Variants in CLEC12A observed in about 807,000 individuals in gnomAD.
The protein encoded by CLEC12A is C-type lectin domain family 12 member A.
In CLEC12A, 22 loss-of-function variants were observed where a neutral mutation model predicts 26.5. The observed-to-expected ratio is 0.83, with a 90% CI of 0.59 to 1.19. CLEC12A has a LOEUF of 1.19. Among genes scored for constraint, CLEC12A ranks in the 50% most tolerant of loss-of-function variants. The pLI is 0.00. For synonymous variants in CLEC12A, 119 were observed against 101.9 expected (o/e 1.17, Z -1.01); for missense variants, 353 against 315.6 (o/e 1.12, Z -0.90).
upstream of CLEC12A, among the ~76,000 whole-genome samples, chr12:9,969,324 T>C (rs897410315): frequency 1.3e-5 from 2 of 152,190 alleles, no homozygotes; most frequent in African/African-American, 4.8e-5. Context: ...TCATTACACA[T>C]TGTATACAGG....
At chr12:9,984,397 C>A (rs547111643) in intron 5 of CLEC12A, among the ~76,000 whole-genome samples, 13 of 152,114 alleles carry the variant, frequency 8.5e-5, no homozygotes, top group African/African-American at 2.9e-4. Flanking sequence ...ATTAGAACTT[C>A]AGAGTAAAAT....
At chr12:10,001,628 C>A in the CLEC12A span, among the ~76,000 whole-genome samples, 1 of 152,184 alleles carries the variant, frequency 6.6e-6, no homozygotes, top group African/African-American at 2.4e-5. Flanking sequence ...TTTGCTCCCT[C>A]CCCACATTCT....
At chr12:9,968,324 C>G (rs1055591066), upstream of CLEC12A, among the ~76,000 whole-genome samples, 10 of 152,264 alleles carry the variant, frequency 6.6e-5, no homozygotes, top group African/African-American at 2.4e-4. Flanking sequence ...AGCAACAAGG[C>G]TGTTTATTTC....
downstream of CLEC12A, among the ~76,000 whole-genome samples, chr12:9,987,907 C>G (rs887509624): frequency 6.6e-6 from 1 of 152,020 alleles, no homozygotes; most frequent in Non-Finnish European, 1.5e-5. Flanking sequence ...CTCCTTGGTT[C>G]AAGTGATTCT....
chr12:9,973,286 T>A (rs932681396), intron 1 of CLEC12A, among the ~76,000 whole-genome samples: 2 of 151,452 alleles, frequency 1.3e-5, no homozygotes, highest in Non-Finnish European at 2.9e-5. Flanking sequence ...AGTAGAGATA[T>A]GCCATGTCTA....
At chr12:9,954,205 TAA>T (rs35173002) in intron 1 of CLEC12A, among the ~76,000 whole-genome samples, 1,733 of 64,478 alleles carry the variant, frequency 0.027, 8 homozygotes, top group Non-Finnish European at 0.035. Flanking sequence ...GAATTATCAA[TAA>T]AAAAAAAAAA....
chr12:9,999,199 T>G, downstream of CLEC12A: 3 of 784,810 alleles, frequency 3.8e-6, no homozygotes, highest in Non-Finnish European at 6.6e-6. Context: ...ATGATCTTCC[T>G]GTCTTTAGTA....
intron 1 of CLEC12A, among the ~76,000 whole-genome samples, chr12:9,961,094 A>G (rs184084524): frequency 8.8e-4 from 134 of 152,314 alleles, no homozygotes; most frequent in Non-Finnish European, 5.7e-4. Flanking sequence ...ACATTTACTG[A>G]TTGGCAATTG....
chr12:9,979,713 T>G (rs1482794863), intron 3 of CLEC12A, among the ~76,000 whole-genome samples, 189 bp downstream of exon 3: 1 of 152,182 alleles, frequency 6.6e-6, no homozygotes, highest in Non-Finnish European at 1.5e-5. Flanking sequence ...GAAAAAGTAG[T>G]AACAACAATA....
At chr12:9,997,354 T>C (rs1865080226), downstream of CLEC12A, 2 of 1,370,266 alleles carry the variant, frequency 1.5e-6, no homozygotes, top group Non-Finnish European at 2.0e-6. Flanking sequence ...TCATTGAATT[T>C]TCATTTCCTT....
chr12:9,962,253 C>CTTTTTTT (rs71049021), intron 1 of CLEC12A, among the ~76,000 whole-genome samples: 1 of 119,216 alleles, frequency 8.4e-6, no homozygotes, highest in Non-Finnish European at 1.8e-5. Flanking sequence ...CCGGTTTTTT[C>CTTTTTTT]TTTTTTTTTT....
intron 5 of CLEC12A, 64 bp from the exon 6 acceptor site, chr12:9,984,806 T>G: frequency 7.4e-7 from 1 of 1,348,846 alleles, no homozygotes; most frequent in Non-Finnish European, 9.6e-7. Flanking sequence ...GTGTAATTTT[T>G]TTTTCTGTGA....
chr12:9,971,736 G>T (rs767277542), intron 1 of CLEC12A, 49 bp downstream of exon 1: 14 of 1,522,242 alleles, frequency 9.2e-6, no homozygotes, highest in Non-Finnish European at 1.3e-5. Context: ...AATAGAAGTG[G>T]TTATAGACTT....
At chr12:9,979,275 T>A in intron 2 of CLEC12A, 61 bp from the exon 3 acceptor site, 2 of 1,284,720 alleles carry the variant, frequency 1.6e-6, no homozygotes, top group Non-Finnish European at 2.2e-6. Context: ...CTTCTGCAAA[T>A]GATAAAGGAT....
At chr12:9,995,115 C>G in exon 5 of CLEC12A, 1 of 1,608,042 alleles carries the variant, frequency 6.2e-7, no homozygotes, top group Non-Finnish European at 8.5e-7. Context: ...GTACTCCCTC[C>G]TATTCTAAGT....
intron 1 of CLEC12A, among the ~76,000 whole-genome samples, chr12:9,962,287 G>A (rs1276936988): frequency 7.7e-6 from 1 of 130,200 alleles, no homozygotes; most frequent in Non-Finnish European, 1.6e-5. Flanking sequence ...CCAAGTGTGT[G>A]TTTCTTTTTG....
rs144173283 is a variant in CLEC12A, at chr12:9,993,765, C to G, written n.1005-1253C>G. ...GGATTTATGTTGCAAGATAAATCAT[C>G]TAACACAGCAGGCTGTATTGTAATT... On this transcript the variant is annotated intron_variant and non_coding_transcript_variant, in intron 4 of 4. Transcript: ENST00000449959. 4.6e-4 allele frequency among the ~76,000 whole-genome samples: 70 copies of G among 152,254 alleles called. No individual in the cohort carries two copies. The East Asian group carries it at 8.1e-3, about 18-fold the overall frequency.
chr12:9,979,483 T>C lies in CLEC12A; in HGVS notation c.338T>C (p.Ile113Thr), dbSNP rs1404222274. 3.7e-6 allele frequency: 6 copies of C among 1,613,280 alleles called. No individual in the cohort carries two copies. The East Asian group carries it at 1.3e-4, about 36-fold the overall frequency. ...IRNLSTTLQT[I>T]ATKLCRELYS... ...AACCTCTCCACCACACTGCAAACAATAGCCACCAAATTATGTCGTGAGCTA... is the reference window on the plus strand; with the variant it reads ...AACCTCTCCACCACACTGCAAACAACAGCCACCAAATTATGTCGTGAGCTA... Residue 113 changes from isoleucine to threonine, a missense_variant, in exon 3 of 6, where the codon ATA becomes ACA. Transcript: ENST00000304361.
chr12:9,986,951 TTC>T (rs1311901493), downstream of CLEC12A, among the ~76,000 whole-genome samples: 1 of 152,238 alleles, frequency 6.6e-6, no homozygotes, highest in African/African-American at 2.4e-5. Context: ...GTGTCTCAAA[TTC>T]TTTTATTTTA....
Sources: allele counts gnomAD v4.1 joint callset (sites outside exome capture counted in the v4.1 genomes callset), GRCh38; gene constraint gnomAD v4.1.1; transcripts MANE v1.5; gene names NCBI Gene and HGNC (gene_info 2026-07-23, HGNC 2026-07-21).